Variants in CCSER1 observed in about 807,000 individuals in gnomAD.
CCSER1 encodes serine-rich coiled-coil domain-containing protein 1.
CCSER1 carries 41 observed loss-of-function variants against 82.0 expected under a neutral mutation model. That is an observed-to-expected ratio of 0.50 (90% CI 0.39 to 0.65). The LOEUF is 0.65. Among genes scored for constraint, CCSER1 ranks in the 30% least tolerant of loss-of-function variants. The pLI, the probability that CCSER1 is intolerant of heterozygous loss-of-function variation, is 0.00. For synonymous variants in CCSER1, 414 were observed against 383.9 expected (o/e 1.08, Z -0.92); for missense variants, 1,119 against 1,064.2 (o/e 1.05, Z -0.72).
chr4:90,366,773 A>G (rs1243255728), intron 3 of CCSER1, among the ~76,000 whole-genome samples: 3 of 151,856 alleles, frequency 2.0e-5, no homozygotes, highest in Non-Finnish European at 4.4e-5. Context: ...GATTTCATTA[A>G]TTTTGTATGG....
chr4:91,567,622 C>G (rs1762953888), intron 10 of CCSER1, among the ~76,000 whole-genome samples: 1 of 152,050 alleles, frequency 6.6e-6, no homozygotes, highest in African/African-American at 2.4e-5. Context: ...AATTCTTTGC[C>G]ATTATGTAAT....
intron 6 of CCSER1, among the ~76,000 whole-genome samples, chr4:90,710,346 G>T (rs943151793): frequency 5.4e-4 from 82 of 151,592 alleles, no homozygotes; most frequent in African/African-American, 1.8e-3. Flanking sequence ...ACATCTCATT[G>T]GTCAATTTTT....
At chr4:91,508,930 G>C (rs1261482242) in intron 10 of CCSER1, among the ~76,000 whole-genome samples, 1 of 151,804 alleles carries the variant, frequency 6.6e-6, no homozygotes, top group Admixed American at 6.6e-5. Context: ...ATTTCTGTAA[G>C]ATTTATTGTC....
chr4:91,180,699 G>A (rs116064899), intron 10 of CCSER1, among the ~76,000 whole-genome samples: 1,604 of 152,192 alleles, frequency 0.011, 38 homozygotes, highest in African/African-American at 0.037. Context: ...GAGGAGCTCA[G>A]TCAGGGAGAC....
intron 3 of CCSER1, among the ~76,000 whole-genome samples, chr4:90,329,305 C>T (rs2153494301): frequency 1.3e-5 from 2 of 152,256 alleles, no homozygotes; most frequent in South Asian, 4.1e-4. Context: ...CTGCCCACCT[C>T]ATACAGTTGT....
intron 4 of CCSER1, among the ~76,000 whole-genome samples, chr4:90,448,473 A>G (rs1335332964): frequency 8.2e-6 from 1 of 121,232 alleles, no homozygotes; most frequent in African/African-American, 3.6e-5. Flanking sequence ...ATATATATAT[A>G]TATATATATA....
At chr4:90,706,450 G>A (rs1202710244) in intron 6 of CCSER1, among the ~76,000 whole-genome samples, 1 of 151,938 alleles carries the variant, frequency 6.6e-6, no homozygotes, top group Admixed American at 6.6e-5. Context: ...TCTCTAAAAA[G>A]TCAATTAATT....
At chr4:90,304,300 A>G (rs542452027) in intron 1 of CCSER1, among the ~76,000 whole-genome samples, 19 of 152,332 alleles carry the variant, frequency 1.2e-4, no homozygotes, top group Middle Eastern at 3.4e-3. Flanking sequence ...ATTACTGGGT[A>G]TATACCCAAA....
intron 6 of CCSER1, among the ~76,000 whole-genome samples, chr4:90,716,847 T>C (rs1741735013): frequency 6.6e-6 from 1 of 152,160 alleles, no homozygotes; most frequent in African/African-American, 2.4e-5. Context: ...CATGTCTATA[T>C]GAGACATAAT....
intron 8 of CCSER1, among the ~76,000 whole-genome samples, chr4:90,850,900 C>G (rs1445629158): frequency 6.6e-6 from 1 of 152,032 alleles, no homozygotes; most frequent in Admixed American, 6.5e-5. Flanking sequence ...GCTTTGTATC[C>G]CCACCCAAAT....
chr4:91,275,045 G>A (rs1742312061), intron 10 of CCSER1, among the ~76,000 whole-genome samples: 1 of 151,956 alleles, frequency 6.6e-6, no homozygotes, highest in Admixed American at 6.5e-5. Flanking sequence ...GGCAGAGCTT[G>A]CAGTGAGCCG....
chr4:91,266,314 A>G lies in CCSER1; in HGVS notation c.2217+180320A>G, dbSNP rs189090746. Among the ~76,000 whole-genome samples, 502 of 151,704 alleles carry G rather than the reference A, an allele frequency of 3.3e-3. 1 individual carries two copies. The highest frequency in any genetic ancestry group is 0.014 in the Middle Eastern group (4 of 290). ...TTGGCCCAGGCTGGTGTGCAGTGGC[A>G]TGATCTCGGCTCACTGCAAGCTCCG... On this transcript the variant is annotated intron_variant, in intron 10 of 10. Coordinates refer to ENST00000509176, the MANE Select transcript of CCSER1 (RefSeq NM_001145065.2).
At chr4:90,159,921 A>G (rs552373391) in intron 1 of CCSER1, among the ~76,000 whole-genome samples, 2 of 152,358 alleles carry the variant, frequency 1.3e-5, no homozygotes, top group East Asian at 1.9e-4. Flanking sequence ...AATTAAAATC[A>G]TAGTACCTAA....
intron 5 of CCSER1, among the ~76,000 whole-genome samples, chr4:90,603,961 T>C (rs1784323339): frequency 6.6e-6 from 1 of 152,006 alleles, no homozygotes; most frequent in Admixed American, 6.5e-5. Context: ...TTATAAGACC[T>C]AACATCTAGC....
chr4:91,466,854 A>G (rs1756942630), intron 10 of CCSER1, among the ~76,000 whole-genome samples: 5 of 152,214 alleles, frequency 3.3e-5, no homozygotes, highest in Admixed American at 3.3e-4. Context: ...GAAATAAAAG[A>G]GGACACAAAC....
rs1764861021 is a variant in CCSER1 at position 91,602,813 on chromosome 4, C to G, written c.*3756C>G. Among the ~76,000 whole-genome samples, 1 of 151,934 alleles carries G rather than the reference C, an allele frequency of 6.6e-6. No homozygotes were observed. Among genetic ancestry groups the G allele is most frequent in the African/African-American group, 2.4e-5 (1 of 41,396 alleles). On this transcript the variant is annotated 3_prime_UTR_variant, in exon 11 of 11. Transcript: ENST00000509176. Reference sequence around the variant, plus strand: ...GAATCACATGCCCCATAATCAGAAGCTTTTCCCTTATTGATAATATTAGCT... The same window carrying G: ...GAATCACATGCCCCATAATCAGAAGGTTTTCCCTTATTGATAATATTAGCT...
intron 5 of CCSER1, among the ~76,000 whole-genome samples, chr4:90,486,864 T>C (rs1578744020): frequency 6.6e-6 from 1 of 152,222 alleles, no homozygotes; most frequent in Non-Finnish European, 1.5e-5. Context: ...AGTCCAACTT[T>C]TAGCTACTAG....
intron 1 of CCSER1, among the ~76,000 whole-genome samples, chr4:90,203,127 G>C (rs895886817): frequency 2.0e-5 from 3 of 152,130 alleles, no homozygotes; most frequent in African/African-American, 7.2e-5. Context: ...TGTAGACACA[G>C]ATACTATCAT....
intron 10 of CCSER1, among the ~76,000 whole-genome samples, chr4:91,387,043 A>G (rs565835931): frequency 6.6e-6 from 1 of 152,188 alleles, no homozygotes; most frequent in East Asian, 1.9e-4. Context: ...AAAGAACAAA[A>G]TTAAGATCAT....
Sources: gnomAD v4.1 joint callset for allele counts (sites outside exome capture counted in the v4.1 genomes callset) on GRCh38, gnomAD v4.1.1 for gene constraint, MANE v1.5 for transcripts, NCBI Gene and HGNC (gene_info 2026-07-23, HGNC 2026-07-21) for gene names.